Variants in EAF2 observed in about 807,000 individuals in gnomAD.
EAF2 encodes ELL-associated factor 2.
A neutral mutation model predicts 29.4 loss-of-function variants in EAF2; 29 were observed. That is an observed-to-expected ratio of 0.99 (90% CI 0.73 to 1.35). The LOEUF is 1.35. Ranked by LOEUF, EAF2 falls within the 40% of genes most tolerant of loss-of-function variation. EAF2 has a pLI of 0.00. For synonymous variants in EAF2, 103 were observed against 102.5 expected (o/e 1.00, Z -0.03); for missense variants, 292 against 312.0 (o/e 0.94, Z 0.48).
chr3:121,871,253 C>T (rs1709007401), intron 4 of EAF2, among the ~76,000 whole-genome samples: 1 of 151,436 alleles, frequency 6.6e-6, no homozygotes, highest in Admixed American at 6.6e-5. Context: ...AATATAAAAA[C>T]ATTATGTTGA....
intron 1 of EAF2, among the ~76,000 whole-genome samples, chr3:121,841,978 C>A (rs1247314987): frequency 8.6e-5 from 13 of 151,756 alleles, no homozygotes; most frequent in Admixed American, 8.6e-4. Context: ...TGCACTCCAG[C>A]CTAGGCGACA....
intron 1 of EAF2, among the ~76,000 whole-genome samples, chr3:121,842,175 C>T (rs944949180): frequency 1.2e-4 from 19 of 152,052 alleles, no homozygotes; most frequent in African/African-American, 4.6e-4. Flanking sequence ...CAGAGTGAGA[C>T]CCTGTCTCAA....
At chr3:121,851,351 G>GT (rs34826349) in intron 2 of EAF2, among the ~76,000 whole-genome samples, 29,624 of 148,434 alleles carry the variant, frequency 0.2, 3,324 homozygotes, top group South Asian at 0.32. Context: ...CTAATTTTTA[G>GT]TTTTTTTTTT....
At chr3:121,868,861 A>T (rs1708966859) in intron 4 of EAF2, among the ~76,000 whole-genome samples, 1 of 152,214 alleles carries the variant, frequency 6.6e-6, no homozygotes, top group Non-Finnish European at 1.5e-5. Context: ...TAACACAATC[A>T]ACCCACACGA....
intron 1 of EAF2, 124 bp downstream of exon 1, chr3:121,835,515 G>T (rs1043951298): frequency 7.1e-6 from 6 of 849,494 alleles, no homozygotes; most frequent in South Asian, 4.6e-5. Context: ...GGGCGGGGAG[G>T]GGGGAGGCAG....
chr3:121,870,387 G>T (rs1708991110), intron 4 of EAF2, among the ~76,000 whole-genome samples: 1 of 152,188 alleles, frequency 6.6e-6, no homozygotes, highest in African/African-American at 2.4e-5. Context: ...ATGAGGGTGA[G>T]AGGGAGGGTA....
intron 1 of EAF2, among the ~76,000 whole-genome samples, chr3:121,839,731 G>C (rs1293688324): frequency 6.6e-6 from 1 of 152,120 alleles, no homozygotes; most frequent in Non-Finnish European, 1.5e-5. Flanking sequence ...CTTAAAATAA[G>C]TTTAGAAGTG....
chr3:121,869,634 T>A (rs1708977947), intron 4 of EAF2, among the ~76,000 whole-genome samples: 1 of 152,112 alleles, frequency 6.6e-6, no homozygotes, highest in African/African-American at 2.4e-5. Context: ...CCCAACACTT[T>A]CGGAGGCCAA....
In EAF2 at chr3:121,844,494, T is replaced by C. The variant is rs957874451; in HGVS notation, c.148T>C (p.Tyr50His). Residue 50 changes from tyrosine to histidine, a missense_variant, in exon 2 of 6, where the codon TAC becomes CAC. By Grantham distance (83) the Tyr-to-His change is moderately conservative. Transcript: ENST00000273668. The part of the protein sequence containing the change: ...PASIDTSSEG[Y>H]LEVGEGEQVT... ...TTCTATTGACACTTCTTCTGAAGGA[T>C]ACCTTGAGGTTGGTGAAGGTGAACA... is the stretch of plus-strand genomic sequence containing the variant. 1 of 1,610,916 alleles carries C rather than the reference T, an allele frequency of 6.2e-7. No homozygotes were observed. The highest frequency in any genetic ancestry group is 8.5e-7 in the Non-Finnish European group (1 of 1,178,736).
chr3:121,840,519 A>AAAAAAAAAAAAC (rs1708398539), intron 1 of EAF2, among the ~76,000 whole-genome samples: 1 of 128,914 alleles, frequency 7.8e-6, no homozygotes, highest in Non-Finnish European at 1.7e-5. Flanking sequence ...GAAAAAAAAA[A>AAAAAAAAAAAAC]AACGGGCCGG....
intron 5 of EAF2, chr3:121,873,000 T>G (rs1559828863): frequency 1.3e-6 from 1 of 785,888 alleles, no homozygotes; most frequent in Non-Finnish European, 2.2e-6. Flanking sequence ...TAATCTTTCC[T>G]CTCACTCCTT....
At chr3:121,883,379 A>T (rs1197231226) in intron 5 of EAF2, among the ~76,000 whole-genome samples, 4 of 152,184 alleles carry the variant, frequency 2.6e-5, no homozygotes, top group African/African-American at 7.2e-5. Flanking sequence ...TTAAAAGAAA[A>T]TTTTTGAAAA....
At chr3:121,837,687 A>G (rs1033100171) in intron 1 of EAF2, 4 of 152,344 alleles carry the variant, frequency 2.6e-5, no homozygotes, top group Admixed American at 6.5e-5. Context: ...AGTTATATTC[A>G]TATGTGTACG....
At chr3:121,885,409 G>A (rs1010061331) in intron 5 of EAF2, among the ~76,000 whole-genome samples, 6 of 152,108 alleles carry the variant, frequency 3.9e-5, no homozygotes, top group Admixed American at 2.0e-4. Context: ...CCATTATGGC[G>A]TATTTACTGA....
intron 4 of EAF2, among the ~76,000 whole-genome samples, chr3:121,864,585 G>A (rs1708891410): frequency 6.6e-6 from 1 of 152,090 alleles, no homozygotes; most frequent in Admixed American, 6.6e-5. Flanking sequence ...GGAGGACAAG[G>A]CAGATGGATC....
intron 3 of EAF2, among the ~76,000 whole-genome samples, chr3:121,855,344 G>T (rs1466674482): frequency 3.3e-5 from 5 of 152,168 alleles, no homozygotes; most frequent in Admixed American, 1.3e-4. Context: ...AAGGATGTTT[G>T]CTCTAAAAGC....
At chr3:121,865,732 C>T (rs1239937873) in intron 4 of EAF2, among the ~76,000 whole-genome samples, 2 of 152,144 alleles carry the variant, frequency 1.3e-5, no homozygotes, top group South Asian at 2.1e-4. Flanking sequence ...CCGGAGACAA[C>T]TCACAGCTGG....
At chr3:121,872,081 AGG>A (rs1213262096) in intron 4 of EAF2, among the ~76,000 whole-genome samples, 3 of 149,220 alleles carry the variant, frequency 2.0e-5, no homozygotes, top group African/African-American at 7.4e-5. Flanking sequence ...TTAAGGGAGC[AGG>A]GGGGAAACCT....
intron 2 of EAF2, among the ~76,000 whole-genome samples, chr3:121,853,792 A>G (rs376091247): frequency 1.3e-5 from 2 of 152,148 alleles, no homozygotes; most frequent in East Asian, 1.9e-4. Flanking sequence ...GTTTGATAAG[A>G]ATTAAATTCT....
Sources: allele counts gnomAD v4.1 joint callset (sites outside exome capture counted in the v4.1 genomes callset), GRCh38; gene constraint gnomAD v4.1.1; transcripts MANE v1.5; gene names NCBI Gene and HGNC (gene_info 2026-07-23, HGNC 2026-07-21).